CAMK1D: variants seen among roughly 807,000 people sequenced by gnomAD.
The protein encoded by CAMK1D is calcium/calmodulin dependent protein kinase ID.
In CAMK1D, 9 loss-of-function variants were observed where a neutral mutation model predicts 47.7. The ratio of observed to expected loss-of-function variants is 0.19; its 90% confidence interval spans 0.11 to 0.33. The LOEUF (loss-of-function observed/expected upper bound fraction) is 0.33, where lower values mean the gene tolerates loss of function less well. CAMK1D is among the 10% of genes least tolerant of loss of function. The probability of loss-of-function intolerance (pLI) is 1.00; values close to 1 mark genes in which losing one functional copy is unlikely to be tolerated. For missense variants in CAMK1D, 291 were observed against 488.7 expected (o/e 0.60, Z 3.81); for synonymous variants, 184 against 184.9 (o/e 0.99, Z 0.04).
intron 8 of CAMK1D, among the ~76,000 whole-genome samples, chr10:12,819,689 G>A (rs1832946904): frequency 6.6e-6 from 1 of 152,216 alleles, no homozygotes; most frequent in Non-Finnish European, 1.5e-5. Flanking sequence ...GGGCAGTGGG[G>A]TCCCTGACAT....
rs1266909235 is a variant in CAMK1D, at chr10:12,433,365, C to G, written c.92+83455C>G. On this transcript the variant is annotated intron_variant, in intron 1 of 10. Coordinates refer to ENST00000619168, the MANE Select transcript of CAMK1D (RefSeq NM_153498.4). Reference sequence around the variant, plus strand: ...TTTCCCTCTGCTCTCATTTCCTGCTCCAGGTACAGCGTAATTTTTTTCTCA... The same window carrying G: ...TTTCCCTCTGCTCTCATTTCCTGCTGCAGGTACAGCGTAATTTTTTTCTCA... Among the ~76,000 whole-genome samples the G allele has an allele frequency of 2.0e-5, 3 of 152,184 alleles. No homozygotes were observed. The East Asian group carries it at 5.8e-4, about 29-fold the overall frequency.
intron 1 of CAMK1D, among the ~76,000 whole-genome samples, chr10:12,478,670 G>C (rs1185190234): frequency 2.0e-5 from 3 of 152,184 alleles, no homozygotes; most frequent in Non-Finnish European, 2.9e-5. Flanking sequence ...AGTTGGTGGG[G>C]ATCTCTGTGG....
intron 1 of CAMK1D, among the ~76,000 whole-genome samples, chr10:12,541,518 C>T (rs112808773): frequency 0.024 from 3,656 of 152,156 alleles, 123 homozygotes; most frequent in East Asian, 0.12. Flanking sequence ...CGTGTGCCAC[C>T]ACGCCTGGCT....
intron 1 of CAMK1D, among the ~76,000 whole-genome samples, chr10:12,394,244 G>T (rs1352479052): frequency 2.0e-5 from 3 of 152,166 alleles, no homozygotes; most frequent in Admixed American, 2.0e-4. Context: ...AGGTAGCAGG[G>T]GAGCGTGCCG....
intron 2 of CAMK1D, among the ~76,000 whole-genome samples, chr10:12,633,504 C>A (rs1224917832): frequency 6.6e-6 from 1 of 152,178 alleles, no homozygotes; most frequent in Non-Finnish European, 1.5e-5. Context: ...AGCAGACACT[C>A]AGGGTGGCTG....
intron 2 of CAMK1D, among the ~76,000 whole-genome samples, chr10:12,581,969 A>G (rs1837677109): frequency 6.6e-6 from 1 of 152,134 alleles, no homozygotes; most frequent in Non-Finnish European, 1.5e-5. Context: ...TGCTTAAGCC[A>G]ATGTCTAGAG....
intron 6 of CAMK1D, among the ~76,000 whole-genome samples, chr10:12,811,664 C>T (rs572327607): frequency 4.7e-4 from 72 of 152,222 alleles, no homozygotes; most frequent in African/African-American, 1.5e-3. Context: ...AAATGTTTCT[C>T]GGAATTTTCT....
At chr10:12,444,107 C>T (rs1832863277) in intron 1 of CAMK1D, among the ~76,000 whole-genome samples, 1 of 152,184 alleles carries the variant, frequency 6.6e-6, no homozygotes, top group Non-Finnish European at 1.5e-5. Context: ...CTGTCATCGC[C>T]ATCTTGGTTT....
intron 3 of CAMK1D, among the ~76,000 whole-genome samples, chr10:12,734,765 C>A (rs1182023790): frequency 1.3e-5 from 2 of 151,988 alleles, no homozygotes; most frequent in Non-Finnish European, 2.9e-5. Flanking sequence ...ATTTTTCTTA[C>A]TTGTATCAAA....
intron 1 of CAMK1D, among the ~76,000 whole-genome samples, chr10:12,410,269 C>G (rs927204114): frequency 3.3e-5 from 5 of 152,162 alleles, no homozygotes; most frequent in African/African-American, 1.2e-4. Context: ...ATTTCCTGTT[C>G]TTTCTGTCTC....
chr10:12,419,149 G>A lies in CAMK1D; in HGVS notation c.92+69239G>A, dbSNP rs150541543. Among the ~76,000 whole-genome samples, 1,043 of 152,040 alleles carry A rather than the reference G, an allele frequency of 6.9e-3. 2 individuals carry two copies. The highest frequency in any genetic ancestry group is 0.012 in the Non-Finnish European group (811 of 67,996). The stretch of plus-strand genomic sequence containing the variant: ...TCCCTCCTGCCTTTTAAAACCCCAG[G>A]GACGGGAGATTTTATAAGCTATAAT... On this transcript the variant is annotated intron_variant, in intron 1 of 10. Coordinates refer to ENST00000619168, the MANE Select transcript of CAMK1D (RefSeq NM_153498.4).
At chr10:12,567,394 C>G (rs916651599) in intron 2 of CAMK1D, among the ~76,000 whole-genome samples, 3 of 152,062 alleles carry the variant, frequency 2.0e-5, no homozygotes, top group African/African-American at 7.3e-5. Flanking sequence ...CTGGGTCATC[C>G]CGAGGGATGG....
At chr10:12,784,531 G>C (rs1464591465) in intron 5 of CAMK1D, among the ~76,000 whole-genome samples, 3 of 152,132 alleles carry the variant, frequency 2.0e-5, no homozygotes, top group Admixed American at 6.5e-5. Flanking sequence ...CAACATGAGT[G>C]ACAAGCACAT....
intron 3 of CAMK1D, among the ~76,000 whole-genome samples, chr10:12,736,973 G>A (rs4750253): frequency 0.42 from 63,352 of 152,042 alleles, 13,395 homozygotes; most frequent in South Asian, 0.47. Flanking sequence ...TTGCCCCAAG[G>A]TTGCTTCATT....
At chr10:12,669,240 C>CAAACA (rs754632806) in intron 3 of CAMK1D, among the ~76,000 whole-genome samples, 79,777 of 151,014 alleles carry the variant, frequency 0.53, 21,253 homozygotes, top group East Asian at 0.55. Context: ...TCGAAACAAA[C>CAAACA]AAAAAAACCC....
At chr10:12,692,296 C>A (rs1223855451) in intron 3 of CAMK1D, among the ~76,000 whole-genome samples, 1 of 152,216 alleles carries the variant, frequency 6.6e-6, no homozygotes, top group East Asian at 1.9e-4. Flanking sequence ...GGAAAGAGTT[C>A]AGAAATAGAT....
chr10:12,428,721 C>T (rs1447610518), intron 1 of CAMK1D, among the ~76,000 whole-genome samples: 2 of 152,178 alleles, frequency 1.3e-5, no homozygotes, highest in African/African-American at 2.4e-5. Context: ...GCTTGTGTCC[C>T]CACGAAATTT....
At chr10:12,370,827 C>G (rs974687234) in intron 1 of CAMK1D, among the ~76,000 whole-genome samples, 2 of 151,990 alleles carry the variant, frequency 1.3e-5, no homozygotes. Context: ...AGGCTGGTCT[C>G]GAACTCCTGA....
intron 2 of CAMK1D, among the ~76,000 whole-genome samples, chr10:12,578,462 C>T (rs1383725962): frequency 6.6e-6 from 1 of 150,644 alleles, no homozygotes; most frequent in Non-Finnish European, 1.5e-5. Context: ...CCTAGCTACT[C>T]GAGAGGCTGA....
Sources: allele counts gnomAD v4.1 joint callset (sites outside exome capture counted in the v4.1 genomes callset), GRCh38; gene constraint gnomAD v4.1.1; transcripts MANE v1.5; gene names NCBI Gene and HGNC (gene_info 2026-07-23, HGNC 2026-07-21).